CNKSR3: variants seen among roughly 807,000 people sequenced by gnomAD.
CNKSR3 encodes the protein connector enhancer of kinase suppressor of ras 3.
A neutral mutation model predicts 67.7 loss-of-function variants in CNKSR3; 36 were observed. The ratio of observed to expected loss-of-function variants is 0.53; its 90% CI spans 0.41 to 0.70. The LOEUF is 0.70. CNKSR3 is among the 30% of genes least tolerant of loss of function. CNKSR3 has a pLI of 0.00. For synonymous variants in CNKSR3, 281 were observed against 271.4 expected (o/e 1.04, Z -0.35); for missense variants, 630 against 695.2 (o/e 0.91, Z 1.05).
chr6:154,465,890 C>T (rs1291412693), intron 1 of CNKSR3, among the ~76,000 whole-genome samples: 1 of 152,124 alleles, frequency 6.6e-6, no homozygotes, highest in Non-Finnish European at 1.5e-5. Context: ...GAGGGGGATT[C>T]TGTATATTCT....
At chr6:154,502,178 C>T (rs936816784) in intron 1 of CNKSR3, among the ~76,000 whole-genome samples, 1 of 150,552 alleles carries the variant, frequency 6.6e-6, no homozygotes, top group Non-Finnish European at 1.5e-5. Context: ...ATGCAAAGGG[C>T]TTTCCCTATA....
At chr6:154,497,475 C>T (rs776356854) in intron 1 of CNKSR3, among the ~76,000 whole-genome samples, 5 of 152,118 alleles carry the variant, frequency 3.3e-5, no homozygotes, top group Non-Finnish European at 5.9e-5. Flanking sequence ...TGCCAGCTTC[C>T]GGACACGGAT....
intron 1 of CNKSR3, among the ~76,000 whole-genome samples, chr6:154,450,639 GC>G (rs1404459246): frequency 2.6e-5 from 4 of 152,146 alleles, no homozygotes; most frequent in Admixed American, 6.5e-5. Context: ...CAGGGAGCTT[GC>G]CAGTCAAGAC....
intron 12 of CNKSR3, among the ~76,000 whole-genome samples, chr6:154,407,575 G>C (rs1784821601): frequency 6.6e-6 from 1 of 151,934 alleles, no homozygotes; most frequent in African/African-American, 2.4e-5. Context: ...ATCTCAGCTA[G>C]TTGCAGCCTC....
chr6:154,461,191 GGAAAGCAA>G (rs1786072942), intron 1 of CNKSR3, among the ~76,000 whole-genome samples: 1 of 152,124 alleles, frequency 6.6e-6, no homozygotes, highest in African/African-American at 2.4e-5. Context: ...TTATTGGTAA[GGAAAGCAA>G]ATCCCAGAGA....
Position 154,406,510 on chromosome 6 carries a change from C to A in CNKSR3, c.1512G>T (p.Arg504Ser). 1 of 1,614,094 alleles carries A rather than the reference C, an allele frequency of 6.2e-7. No homozygotes were observed. Among genetic ancestry groups the A allele is most frequent in the South Asian group, 1.1e-5 (1 of 91,074 alleles). The change falls in exon 13 of 13, where the codon AGG becomes AGT. Residue 504 changes from arginine (R) to serine (S), a missense_variant. By Grantham distance (110) the Arg-to-Ser change is moderately radical (BLOSUM62 -1). Around this residue, in one of 3 missense-constraint regions of CNKSR3, gnomAD observed 308 missense variants for 299.6 expected, o/e 1.03. Transcript: ENST00000607772. ...VRGADYIRGS[R>S]CYINSDLHSS... ...TGTGGAGATCTGAGTTGATGTAGCA[C>A]CTGCTTCCTCGGATGTAGTCCGCAC...
At chr6:154,478,957 G>A (rs570413903) in intron 1 of CNKSR3, among the ~76,000 whole-genome samples, 17 of 152,320 alleles carry the variant, frequency 1.1e-4, no homozygotes, top group African/African-American at 3.8e-4. Flanking sequence ...CTCCTTTACA[G>A]CCTGTGATCA....
At chr6:154,445,255 T>G (rs1785685777) in intron 2 of CNKSR3, among the ~76,000 whole-genome samples, 1 of 152,152 alleles carries the variant, frequency 6.6e-6, no homozygotes, top group Non-Finnish European at 1.5e-5. Flanking sequence ...AAATGAATAT[T>G]CTATATTAGC....
At chr6:154,474,649 C>T (rs1338511) in intron 1 of CNKSR3, among the ~76,000 whole-genome samples, 24,048 of 152,038 alleles carry the variant, frequency 0.16, 2,345 homozygotes, top group African/African-American at 0.27. Flanking sequence ...CTGGGCCATC[C>T]GGATGTGGGG....
chr6:154,503,160 G>A (rs1787032005), intron 1 of CNKSR3, among the ~76,000 whole-genome samples: 1 of 152,136 alleles, frequency 6.6e-6, no homozygotes, highest in Admixed American at 6.5e-5. Context: ...TCAGTTAAGT[G>A]TGGTAAACCC....
chr6:154,450,365 C>T (rs1785802051), intron 1 of CNKSR3, 107 bp from the exon 2 acceptor site: 3 of 1,147,754 alleles, frequency 2.6e-6, no homozygotes, highest in Non-Finnish European at 3.8e-6. Flanking sequence ...AATTATGATG[C>T]CACTATCTGG....
rs115955569 is a variant in CNKSR3 at position 154,493,033 on chromosome 6, A to C, written c.52+17030T>G. Among the ~76,000 whole-genome samples the C allele has an allele frequency of 6.7e-3, 1,020 of 152,200 alleles. 12 individuals carry two copies. The highest frequency in any genetic ancestry group is 0.024 in the African/African-American group (984 of 41,490). On this transcript the variant is annotated intron_variant, in intron 1 of 12. Coordinates refer to ENST00000607772, the MANE Select transcript of CNKSR3 (RefSeq NM_173515.4). ...GCCACCATTATCATTTTTAAATGTA[A>C]ATCTGATAATACTTCTTAGCTCAAA...
chr6:154,476,604 A>T (rs1786457769), intron 1 of CNKSR3, among the ~76,000 whole-genome samples: 1 of 152,182 alleles, frequency 6.6e-6, no homozygotes, highest in African/African-American at 2.4e-5. Context: ...TACTTGGAGC[A>T]TCGGTTACCT....
At chr6:154,417,485 C>A (rs1245232262) in intron 9 of CNKSR3, among the ~76,000 whole-genome samples, 1 of 152,158 alleles carries the variant, frequency 6.6e-6, no homozygotes, top group Non-Finnish European at 1.5e-5. Context: ...TTGCCCAGGA[C>A]CACATCGCCC....
At chr6:154,440,707 G>A (rs187801245) in intron 4 of CNKSR3, among the ~76,000 whole-genome samples, 1 of 152,310 alleles carries the variant, frequency 6.6e-6, no homozygotes, top group Non-Finnish European at 1.5e-5. Flanking sequence ...AAGGCAACAT[G>A]ACATACTAGT....
At chr6:154,426,378 G>A (rs200851164) in intron 7 of CNKSR3, among the ~76,000 whole-genome samples, 1 of 68,184 alleles carries the variant, frequency 1.5e-5, no homozygotes. Flanking sequence ...TTATTTATTT[G>A]AGACAGAGTC....
chr6:154,425,041 A>G (rs1186440933), intron 7 of CNKSR3, among the ~76,000 whole-genome samples: 2 of 152,126 alleles, frequency 1.3e-5, no homozygotes, highest in African/African-American at 4.8e-5. Context: ...CAAAGTGCTG[A>G]GATTACAGGC....
intron 6 of CNKSR3, 143 bp downstream of exon 6, chr6:154,430,329 C>T: frequency 1.6e-6 from 1 of 633,382 alleles, no homozygotes; most frequent in Non-Finnish European, 2.6e-6. Flanking sequence ...CAAGATAGCA[C>T]ATTCCTAATT....
intron 6 of CNKSR3, among the ~76,000 whole-genome samples, chr6:154,428,479 A>G (rs1178416761): frequency 1.3e-5 from 2 of 152,210 alleles, no homozygotes; most frequent in Non-Finnish European, 2.9e-5. Context: ...TTAGACCTAC[A>G]GGATGAGTGA....
Sources: gnomAD v4.1 joint callset for allele counts (sites outside exome capture counted in the v4.1 genomes callset) on GRCh38, gnomAD v4.1.1 for gene constraint, gnomAD v4.1.1 regional missense constraint, MANE v1.5 for transcripts, NCBI Gene and HGNC (gene_info 2026-07-23, HGNC 2026-07-21) for gene names.